The following FRMD6 variants were observed in gnomAD, a reference collection of about 807,000 sequenced individuals.
FRMD6 encodes FERM domain-containing protein 6.
Under a neutral mutation model 73.2 loss-of-function variants are expected in FRMD6, and 37 were observed. The observed-to-expected ratio is 0.51, with a 90% CI of 0.39 to 0.66. The LOEUF is 0.66. Among genes scored for constraint, FRMD6 ranks in the 30% least tolerant of loss-of-function variants. The probability of loss-of-function intolerance (pLI) is 0.00; values close to 1 mark genes in which losing one functional copy is unlikely to be tolerated. For synonymous variants in FRMD6, 273 were observed against 282.2 expected (o/e 0.97, Z 0.33); for missense variants, 714 against 780.5 (o/e 0.91, Z 1.02).
At chr14:51,673,137 T>C (rs2140252062) in intron 1 of FRMD6, among the ~76,000 whole-genome samples, 1 of 152,272 alleles carries the variant, frequency 6.6e-6, no homozygotes, top group East Asian at 1.9e-4. Flanking sequence ...CTAACCTATC[T>C]GATGCCATAA....
chr14:51,515,068 AT>A (rs1380480640), intron 1 of FRMD6, among the ~76,000 whole-genome samples: 1 of 152,162 alleles, frequency 6.6e-6, no homozygotes, highest in Non-Finnish European at 1.5e-5. Flanking sequence ...GAAACTTGTT[AT>A]GCCTCTTTTC....
intron 2 of FRMD6, among the ~76,000 whole-genome samples, chr14:51,593,377 A>G (rs1405705060): frequency 2.0e-5 from 3 of 152,260 alleles, no homozygotes; most frequent in African/African-American, 7.2e-5. Flanking sequence ...GGAAGCAAAG[A>G]CAAATAAATC....
At chr14:51,463,642 C>T in the FRMD6 span, among the ~76,000 whole-genome samples, 22 of 152,236 alleles carry the variant, frequency 1.4e-4, no homozygotes, top group African/African-American at 5.3e-4. Flanking sequence ...TTACTTAAAA[C>T]AGGTTCCAGT....
At chr14:51,723,432 TAAG>T (rs1259354153) in intron 12 of FRMD6, among the ~76,000 whole-genome samples, 1 of 152,094 alleles carries the variant, frequency 6.6e-6, no homozygotes, top group African/African-American at 2.4e-5. Flanking sequence ...CCTGGCTGTT[TAAG>T]AAGATTTATA....
chr14:51,559,473 T>C (rs60224257), intron 1 of FRMD6, among the ~76,000 whole-genome samples: 19,324 of 145,266 alleles, frequency 0.13, 1,402 homozygotes, highest in Non-Finnish European at 0.16. Context: ...TCCACGTTAC[T>C]TTTTTTTTTT....
intron 1 of FRMD6, among the ~76,000 whole-genome samples, chr14:51,686,691 C>T (rs1895176715): frequency 6.6e-6 from 1 of 151,910 alleles, no homozygotes. Flanking sequence ...GATCATTGGA[C>T]AGGAAAGGGT....
the FRMD6 span, among the ~76,000 whole-genome samples, chr14:51,440,995 T>TGGG: frequency 6.6e-6 from 1 of 152,366 alleles, no homozygotes; most frequent in South Asian, 2.1e-4. Context: ...AGAACATCTT[T>TGGG]GGCCTCTATG....
chr14:51,411,766 A>C, the FRMD6 span, among the ~76,000 whole-genome samples: 1 of 152,178 alleles, frequency 6.6e-6, no homozygotes, highest in African/African-American at 2.4e-5. Context: ...GTGTGTATGT[A>C]TGGAAATTTT....
chr14:51,399,728 A>T, the FRMD6 span, among the ~76,000 whole-genome samples: 3 of 152,158 alleles, frequency 2.0e-5, no homozygotes, highest in South Asian at 6.2e-4. Flanking sequence ...CTGTTTTCTC[A>T]GTATTTTTAT....
chr14:51,545,925 T>A (rs1334106082), intron 1 of FRMD6, among the ~76,000 whole-genome samples: 1 of 152,136 alleles, frequency 6.6e-6, no homozygotes, highest in Non-Finnish European at 1.5e-5. Context: ...TATTATAGCA[T>A]TGTGATCTTG....
intron 1 of FRMD6, among the ~76,000 whole-genome samples, chr14:51,682,986 G>A (rs568793940): frequency 6.6e-6 from 1 of 152,258 alleles, no homozygotes; most frequent in South Asian, 2.1e-4. Flanking sequence ...TAAAACAGAT[G>A]TCCTCTACCT....
chr14:51,590,062 C>CAAAAAAAAAAAAAAAAAAAAAAAAAA (rs529602796), intron 2 of FRMD6, among the ~76,000 whole-genome samples: 1 of 82,588 alleles, frequency 1.2e-5, no homozygotes. Context: ...GAGCGAAACT[C>CAAAAAAAAAAAAAAAAAAAAAAAAAA]AAAAAAAAAA....
At position 51,502,452 on chromosome 14, in the gene FRMD6, G is replaced by A. The variant is rs373528679; in HGVS notation, c.-210+13032G>A. Among the ~76,000 whole-genome samples, 62 of 152,272 alleles carry A rather than the reference G, an allele frequency of 4.1e-4. 1 individual carries two copies. The highest frequency in any genetic ancestry group is 1.5e-3 in the African/African-American group (62 of 41,548). On this transcript the variant is annotated intron_variant, in intron 1 of 14. Coordinates refer to the FRMD6 transcript ENST00000356218. The stretch of plus-strand genomic sequence containing the variant: ...CTCTCCCAGCACCATTCATTAAATA[G>A]GGAGTCTTTTCCCCATTGTTTGTTT...
chr14:51,418,619 G>A, the FRMD6 span, among the ~76,000 whole-genome samples: 2 of 152,222 alleles, frequency 1.3e-5, no homozygotes, highest in African/African-American at 4.8e-5. Context: ...TCCCAGTTAG[G>A]CTACACGGGG....
At chr14:51,705,828 A>G (rs535167512) in intron 6 of FRMD6, among the ~76,000 whole-genome samples, 2 of 152,264 alleles carry the variant, frequency 1.3e-5, no homozygotes, top group East Asian at 3.9e-4. Flanking sequence ...TTTGCTTTAT[A>G]TTGACACCAG....
the FRMD6 span, among the ~76,000 whole-genome samples, chr14:51,476,306 A>T: frequency 6.6e-6 from 1 of 152,302 alleles, no homozygotes; most frequent in African/African-American, 2.4e-5. Flanking sequence ...GTGGTCTTTT[A>T]TGTGCTGCTG....
At chr14:51,535,200 A>C (rs1256106220) in intron 1 of FRMD6, among the ~76,000 whole-genome samples, 2 of 152,224 alleles carry the variant, frequency 1.3e-5, no homozygotes, top group Non-Finnish European at 2.9e-5. Context: ...TAGCTTATTG[A>C]AATATAATTT....
chr14:51,587,288 T>G (rs998598425), intron 2 of FRMD6, among the ~76,000 whole-genome samples: 6 of 151,914 alleles, frequency 3.9e-5, no homozygotes, highest in African/African-American at 7.3e-5. Flanking sequence ...TAAATTTTAG[T>G]AGTAGATTGA....
At chr14:51,442,042 C>T in the FRMD6 span, among the ~76,000 whole-genome samples, 6 of 152,144 alleles carry the variant, frequency 3.9e-5, no homozygotes. Flanking sequence ...AACTTCGTAC[C>T]ATCAGACAGC....
Sources: gnomAD v4.1 joint callset for allele counts (sites outside exome capture counted in the v4.1 genomes callset) on GRCh38, gnomAD v4.1.1 for gene constraint, MANE v1.5 for transcripts, NCBI Gene and HGNC (gene_info 2026-07-23, HGNC 2026-07-21) for gene names.